Variants in MAGI2 observed in about 807,000 individuals in gnomAD.
MAGI2 encodes membrane associated guanylate kinase, WW and PDZ domain containing 2.
In MAGI2, 35 loss-of-function variants were observed where a neutral mutation model predicts 133.3. That is an observed-to-expected ratio of 0.26 (90% confidence interval 0.20 to 0.35). The LOEUF is 0.35. Ranked by LOEUF, MAGI2 falls within the 10% of genes least tolerant of loss-of-function variation. The pLI is 1.00. For synonymous variants in MAGI2, 729 were observed against 710.6 expected (o/e 1.03, Z -0.41); for missense variants, 1,636 against 1,863.4 (o/e 0.88, Z 2.25).
At chr7:78,199,674 T>A (rs3779272) in intron 11 of MAGI2, among the ~76,000 whole-genome samples, 63,170 of 152,028 alleles carry the variant, frequency 0.42, 13,276 homozygotes, top group South Asian at 0.56. Flanking sequence ...ATGGAAGACA[T>A]CAAATCTACA....
intron 2 of MAGI2, among the ~76,000 whole-genome samples, chr7:78,891,092 A>G (rs1796710479): frequency 6.6e-6 from 1 of 152,218 alleles, no homozygotes; most frequent in Non-Finnish European, 1.5e-5. Context: ...AGAGAATACT[A>G]TAAACACCTC....
intron 21 of MAGI2, among the ~76,000 whole-genome samples, chr7:78,021,934 C>G (rs1234925629): frequency 6.6e-6 from 1 of 152,100 alleles, no homozygotes; most frequent in East Asian, 1.9e-4. Flanking sequence ...TCTTCTGTAC[C>G]CCACCTGCTG....
chr7:78,132,848 C>T (rs1329430048), intron 18 of MAGI2, 41 bp downstream of exon 18: 1 of 1,613,970 alleles, frequency 6.2e-7, no homozygotes, highest in South Asian at 1.1e-5. Flanking sequence ...TTTCCCCACC[C>T]TATCACCTCT....
At chr7:78,911,152 A>G (rs541038007) in intron 2 of MAGI2, among the ~76,000 whole-genome samples, 24 of 152,324 alleles carry the variant, frequency 1.6e-4, no homozygotes, top group Admixed American at 7.8e-4. Flanking sequence ...TGATTACTGC[A>G]AGCTCAGAAT....
At chr7:78,201,848 T>G (rs913713467) in intron 10 of MAGI2, among the ~76,000 whole-genome samples, 2 of 152,208 alleles carry the variant, frequency 1.3e-5, no homozygotes, top group Admixed American at 1.3e-4. Flanking sequence ...CCCAATGTAT[T>G]GATCTCTTTG....
intron 7 of MAGI2, among the ~76,000 whole-genome samples, chr7:78,368,019 T>C (rs530487766): frequency 3.3e-4 from 51 of 152,310 alleles, no homozygotes; most frequent in Non-Finnish European, 2.6e-4. Context: ...TGCTAGCAGA[T>C]TGCATGTGGA....
intron 2 of MAGI2, among the ~76,000 whole-genome samples, chr7:78,739,300 A>G (rs1253848555): frequency 2.0e-5 from 3 of 152,198 alleles, no homozygotes; most frequent in Admixed American, 2.0e-4. Context: ...GAACTTGAAT[A>G]TAGGAATGCA....
intron 2 of MAGI2, among the ~76,000 whole-genome samples, chr7:78,888,061 A>G (rs1353062884): frequency 6.6e-6 from 1 of 152,190 alleles, no homozygotes; most frequent in Admixed American, 6.5e-5. Flanking sequence ...GGTCTTAGCA[A>G]ACGGCATACC....
At chr7:78,324,126 C>CATACTACACT (rs1788298733) in intron 9 of MAGI2, among the ~76,000 whole-genome samples, 2 of 147,566 alleles carry the variant, frequency 1.4e-5, no homozygotes, top group Admixed American at 6.8e-5. Context: ...AAATAATTGA[C>CATACTACACT]ACACTACACT....
rs550629885 is a variant in MAGI2 at position 78,662,537 on chromosome 7, T to C, written c.419-35298A>G. Among the ~76,000 whole-genome samples, 9 of 152,344 alleles carry C rather than the reference T, an allele frequency of 5.9e-5. No homozygotes were observed. In the South Asian group the frequency reaches 1.9e-3, roughly 32 times the overall value. On this transcript the variant is annotated intron_variant, in intron 2 of 21. Coordinates refer to ENST00000354212, the MANE Select transcript of MAGI2 (RefSeq NM_012301.4). ...TGAATCTTACTTTTACTGAATGTAT[T>C]TTGCTTTGCAGAAAAGTGTGTATTA... is the stretch of plus-strand genomic sequence containing the variant.
intron 2 of MAGI2, among the ~76,000 whole-genome samples, chr7:78,973,550 T>C (rs189064576): frequency 6.7e-6 from 1 of 149,008 alleles, no homozygotes; most frequent in Admixed American, 6.7e-5. Context: ...GCAAGAGACT[T>C]TTTTTTTTTG....
chr7:78,251,647 A>G (rs1792392856), intron 10 of MAGI2: 1 of 152,232 alleles, frequency 6.6e-6, no homozygotes, highest in African/African-American at 2.4e-5. Context: ...AATAGCTAGA[A>G]ATAAATTGAA....
At position 78,281,196 on chromosome 7, in the gene MAGI2, T is replaced by C. The variant is rs570654540; in HGVS notation, c.1409-24615A>G. Reference sequence around the variant, plus strand: ...ATAATCTATACATTTAATAGGCATATTTTGTTGTTATTCATTCATGATCTA... The same window carrying C: ...ATAATCTATACATTTAATAGGCATACTTTGTTGTTATTCATTCATGATCTA... On this transcript the variant is annotated intron_variant, in intron 9 of 21. Transcript: ENST00000354212. Among the ~76,000 whole-genome samples the C allele has an allele frequency of 7.2e-5, 11 of 152,254 alleles. No individual in the cohort carries two copies. In the East Asian group the frequency reaches 2.1e-3, roughly 29 times the overall value.
intron 1 of MAGI2, among the ~76,000 whole-genome samples, chr7:79,013,090 C>A (rs1039066189): frequency 1.3e-5 from 2 of 151,992 alleles, no homozygotes; most frequent in African/African-American, 2.4e-5. Flanking sequence ...GGTGTAGGAC[C>A]AAATAACATC....
intron 18 of MAGI2, among the ~76,000 whole-genome samples, chr7:78,129,484 G>A (rs1265696835): frequency 1.3e-5 from 2 of 152,204 alleles, no homozygotes; most frequent in Non-Finnish European, 2.9e-5. Context: ...TCTGAAAGAA[G>A]ATCATCAAAA....
At chr7:78,673,858 T>C (rs979505160) in intron 2 of MAGI2, among the ~76,000 whole-genome samples, 1 of 152,180 alleles carries the variant, frequency 6.6e-6, no homozygotes, top group African/African-American at 2.4e-5. Context: ...TTAACCATTA[T>C]AGTCATTTTT....
At chr7:79,015,644 T>A (rs7779315) in intron 1 of MAGI2, among the ~76,000 whole-genome samples, 3 of 151,420 alleles carry the variant, frequency 2.0e-5, no homozygotes, top group Non-Finnish European at 2.9e-5. Context: ...ACAAGACTGA[T>A]TTCAAATGCG....
chr7:78,383,382 T>C (rs1795098816), intron 6 of MAGI2, among the ~76,000 whole-genome samples: 1 of 152,122 alleles, frequency 6.6e-6, no homozygotes, highest in African/African-American at 2.4e-5. Context: ...GATTATTTTT[T>C]ACATATCTGT....
intron 10 of MAGI2, among the ~76,000 whole-genome samples, chr7:78,206,152 C>T (rs984803099): frequency 5.3e-5 from 8 of 152,156 alleles, no homozygotes; most frequent in African/African-American, 9.7e-5. Context: ...TTTATTTTCA[C>T]AGGGCAAAAA....
Sources: gnomAD v4.1 joint callset for allele counts (sites outside exome capture counted in the v4.1 genomes callset) on GRCh38, gnomAD v4.1.1 for gene constraint, MANE v1.5 for transcripts, NCBI Gene and HGNC (gene_info 2026-07-23, HGNC 2026-07-21) for gene names.